DMXL1: variants seen among roughly 807,000 people sequenced by gnomAD.
DMXL1 encodes the protein dmX-like protein 1.
Under a neutral mutation model 319.2 loss-of-function variants are expected in DMXL1, and 99 were observed. That is an observed-to-expected ratio of 0.31 (90% CI 0.26 to 0.37). The LOEUF is 0.37. Ranked by LOEUF, DMXL1 falls within the 10% of genes least tolerant of loss-of-function variation. The probability of loss-of-function intolerance (pLI) is 1.00; values close to 1 mark genes in which losing one functional copy is unlikely to be tolerated. For missense variants in DMXL1, 3,745 were observed against 3,595.6 expected (o/e 1.04, Z -1.06); for synonymous variants, 1,385 against 1,235.2 (o/e 1.12, Z -2.54).
chr5:119,089,275 TAC>T lies in DMXL1; in HGVS notation c.88-8702_88-8701del, dbSNP rs1340241611. Among the ~76,000 whole-genome samples the T allele has an allele frequency of 8.5e-3, 523 of 61,378 alleles. 5 individuals are homozygous for T. The highest frequency in any genetic ancestry group is 0.029 in the African/African-American group (476 of 16,686). 40.3% of individuals were successfully genotyped at this position (61,378 alleles called of 152,430 possible). A position where few individuals can be genotyped will look rare whatever the true frequency, so the allele number is the denominator to read the frequency against. On this transcript the variant is annotated intron_variant, in intron 1 of 43. Coordinates refer to ENST00000539542, the MANE Select transcript of DMXL1 (RefSeq NM_001290321.3). ...TCCATTATATATGCATATATATATA[TAC>T]ATATATATATATATATTTTTTTTTT...
At chr5:119,167,341 A>C (rs1581121619) in intron 22 of DMXL1, among the ~76,000 whole-genome samples, 1 of 152,096 alleles carries the variant, frequency 6.6e-6, no homozygotes. Context: ...CATTTAAATT[A>C]TCCATTGTTT....
At chr5:119,154,282 A>G (rs1770508612) in intron 19 of DMXL1, among the ~76,000 whole-genome samples, 1 of 152,258 alleles carries the variant, frequency 6.6e-6, no homozygotes, top group African/African-American at 2.4e-5. Flanking sequence ...AGGCATGTTG[A>G]AAGCCGAGAT....
chr5:119,088,739 TA>T (rs1753921067), intron 1 of DMXL1, among the ~76,000 whole-genome samples: 1 of 152,216 alleles, frequency 6.6e-6, no homozygotes, highest in Non-Finnish European at 1.5e-5. Context: ...TGACAGCTTA[TA>T]TCTCAAAGAA....
intron 31 of DMXL1, 77 bp from the exon 32 acceptor site, chr5:119,197,678 C>T: frequency 7.6e-7 from 1 of 1,318,392 alleles, no homozygotes; most frequent in South Asian, 1.2e-5. Flanking sequence ...TCTCCCCTCT[C>T]TCATTTCAGT....
chr5:119,117,022 A>G (rs148072047), intron 7 of DMXL1, among the ~76,000 whole-genome samples: 2 of 150,870 alleles, frequency 1.3e-5, no homozygotes, highest in African/African-American at 2.4e-5. Context: ...TTTGTTTTTT[A>G]TGTGTTTTTG....
At chr5:119,195,037 A>G (rs1779363947) in intron 30 of DMXL1, among the ~76,000 whole-genome samples, 1 of 152,084 alleles carries the variant, frequency 6.6e-6, no homozygotes, top group South Asian at 2.1e-4. Context: ...ATGAGACAAC[A>G]TCTCATATGC....
chr5:119,152,003 C>T lies in DMXL1; in HGVS notation c.4669C>T (p.Leu1557Phe), dbSNP rs140802491. 3 of 1,612,638 alleles carry T rather than the reference C, an allele frequency of 1.9e-6. No homozygotes were observed. Among genetic ancestry groups the T allele is most frequent in the Non-Finnish European group, 2.5e-6 (3 of 1,179,276 alleles). Residue 1557 changes from leucine to phenylalanine, a missense_variant, in exon 19 of 44, where the codon CTT becomes TTT. Transcript: ENST00000539542. ...ACTCCATACCTTTCTTACAACTTCCCTTCCAGCCTATCGAGCTCAACTCCT... is the reference window on the plus strand; with the variant it reads ...ACTCCATACCTTTCTTACAACTTCCTTTCCAGCCTATCGAGCTCAACTCCT... ...VRLHTFLTTSLPAYRAQLLHQ... is the reference protein window; with the variant it reads ...VRLHTFLTTSFPAYRAQLLHQ...
At chr5:119,235,625 G>A (rs936326675) in intron 39 of DMXL1, among the ~76,000 whole-genome samples, 2 of 152,076 alleles carry the variant, frequency 1.3e-5, no homozygotes, top group African/African-American at 4.8e-5. Context: ...GTATTGAGAA[G>A]CAACACGTAC....
rs777155852 is a variant in DMXL1 at position 119,149,239 on chromosome 5, C to T, written c.3412C>T (p.His1138Tyr). The T allele has an allele frequency of 6.2e-7, 1 of 1,613,816 alleles. No individual in the cohort carries two copies. Among genetic ancestry groups the T allele is most frequent in the South Asian group, 1.1e-5 (1 of 91,078 alleles). ...SKENITSNTK[H>Y]LVHLDWMSRE... ...AGAGAATATCACATCAAACACAAAG[C>T]ATTTAGTTCACTTAGATTGGATGTC... Residue 1138 changes from histidine to tyrosine, a missense_variant, in exon 18 of 44, where the codon CAT becomes TAT. Physicochemically the swap from His to Tyr is moderately conservative, Grantham distance 83. This residue lies in a region of DMXL1 where 2,096 missense variants were observed against 1,985.4 expected (regional missense o/e 1.06). Coordinates refer to ENST00000539542, the MANE Select transcript of DMXL1 (RefSeq NM_001290321.3).
At position 119,154,673 on chromosome 5, in the gene DMXL1, G is replaced by A. The variant is rs115511495; in HGVS notation, c.4702+2637G>A. The A allele has an allele frequency of 3.2e-3, 496 of 154,456 alleles. 3 individuals are homozygous for A. The highest frequency in any genetic ancestry group is 0.01 in the African/African-American group (429 of 41,668). The allele number at this position is 154,456 out of a possible 1,614,324, so 9.6% of individuals were successfully genotyped here. A position where few individuals can be genotyped will look rare whatever the true frequency, so the allele number is the denominator to read the frequency against. On this transcript the variant is annotated intron_variant, in intron 19 of 43. Coordinates refer to ENST00000539542, the MANE Select transcript of DMXL1 (RefSeq NM_001290321.3). ...CTGGATAACATGCTGAAGCTTCTAC[G>A]TCATTCAGCACTTGCTTCAGCATGT... is the stretch of plus-strand genomic sequence containing the variant.
chr5:119,108,620 A>G (rs1053736977), intron 4 of DMXL1, among the ~76,000 whole-genome samples: 3 of 151,986 alleles, frequency 2.0e-5, no homozygotes, highest in Non-Finnish European at 4.4e-5. Context: ...GGGTTTCACT[A>G]TGTTGCCCAG....
intron 19 of DMXL1, among the ~76,000 whole-genome samples, chr5:119,162,136 C>G (rs1034610168): frequency 1.3e-5 from 2 of 152,098 alleles, no homozygotes; most frequent in Non-Finnish European, 1.5e-5. Context: ...CTTCTTGTAC[C>G]GCAAGCAAAT....
intron 10 of DMXL1, among the ~76,000 whole-genome samples, chr5:119,130,431 C>T (rs952869515): frequency 6.6e-6 from 1 of 152,104 alleles, no homozygotes; most frequent in African/African-American, 2.4e-5. Context: ...CAGCCTCCAC[C>T]TCCCGGGTTC....
chr5:119,090,554 CCT>C lies in DMXL1; in HGVS notation c.88-7422_88-7421del, dbSNP rs1429445940. 5.5e-5 allele frequency among the ~76,000 whole-genome samples: 8 copies of C among 146,782 alleles called. No individual in the cohort carries two copies. The East Asian group carries it at 1.6e-3, about 29-fold the overall frequency. ...TTACTTTTCTTTTTTGTTTTTTTCT[CCT>C]CTGTTTTTTTTTTTTTTTTCTTTGA... On this transcript the variant is annotated intron_variant, in intron 1 of 43. Transcript: ENST00000539542.
chr5:119,081,981 G>A (rs887048884), intron 1 of DMXL1, among the ~76,000 whole-genome samples: 6 of 140,946 alleles, frequency 4.3e-5, no homozygotes, highest in Non-Finnish European at 9.2e-5. Flanking sequence ...ATTTCCCAGA[G>A]GAAGTTTTCT....
intron 34 of DMXL1, among the ~76,000 whole-genome samples, chr5:119,209,565 C>T (rs1024037142): frequency 3.9e-5 from 6 of 152,092 alleles, no homozygotes; most frequent in African/African-American, 7.2e-5. Context: ...TCAGGCTGGT[C>T]TCAAACTTCT....
At chr5:119,128,467 C>T (rs1764090462) in intron 9 of DMXL1, 1 of 165,424 alleles carries the variant, frequency 6.0e-6, no homozygotes. Flanking sequence ...CCATGACTAG[C>T]CCCAGCTGGA....
intron 15 of DMXL1, among the ~76,000 whole-genome samples, chr5:119,145,622 A>G (rs1238434561): frequency 6.6e-6 from 1 of 151,772 alleles, no homozygotes; most frequent in Non-Finnish European, 1.5e-5. Context: ...TTTTAAAAGA[A>G]GTTACTCTCC....
intron 1 of DMXL1, among the ~76,000 whole-genome samples, chr5:119,086,009 G>C (rs1442343143): frequency 6.6e-6 from 1 of 152,056 alleles, no homozygotes; most frequent in Non-Finnish European, 1.5e-5. Context: ...TATTGTATTA[G>C]TCTCTTCATG....
Sources: allele counts gnomAD v4.1 joint callset (sites outside exome capture counted in the v4.1 genomes callset), GRCh38; gene constraint gnomAD v4.1.1; regional missense constraint gnomAD v4.1.1; transcripts MANE v1.5; gene names NCBI Gene and HGNC (gene_info 2026-07-23, HGNC 2026-07-21).